INPP4B: variants seen among roughly 807,000 people sequenced by gnomAD.
The protein encoded by INPP4B is inositol polyphosphate 4-phosphatase type II.
Under a neutral mutation model 122.5 loss-of-function variants are expected in INPP4B, and 55 were observed. The ratio of observed to expected loss-of-function variants is 0.45; its 90% CI spans 0.36 to 0.56. The LOEUF (loss-of-function observed/expected upper bound fraction) is 0.56. INPP4B is among the 20% of genes least tolerant of loss of function. INPP4B has a pLI of 0.00. For missense variants in INPP4B, 1,000 were observed against 1,097.7 expected (o/e 0.91, Z 1.26); for synonymous variants, 403 against 388.7 (o/e 1.04, Z -0.43).
At chr4:142,472,587 C>A (rs1819054648) in intron 2 of INPP4B, among the ~76,000 whole-genome samples, 1 of 152,072 alleles carries the variant, frequency 6.6e-6, no homozygotes, top group African/African-American at 2.4e-5. Context: ...ATTTTAGATC[C>A]CCAATACCAG....
At chr4:142,764,788 A>G (rs879535863) in intron 1 of INPP4B, among the ~76,000 whole-genome samples, 3 of 151,988 alleles carry the variant, frequency 2.0e-5, no homozygotes, top group Non-Finnish European at 4.4e-5. Context: ...AGGGTCTAGC[A>G]TGTGTATCTG....
intron 11 of INPP4B, among the ~76,000 whole-genome samples, chr4:142,245,026 T>C (rs1052927786): frequency 2.0e-5 from 3 of 152,222 alleles, no homozygotes; most frequent in Non-Finnish European, 4.4e-5. Flanking sequence ...AATGTCTTCT[T>C]TTCAGAAGTG....
chr4:142,653,124 A>G (rs544796730), intron 2 of INPP4B, among the ~76,000 whole-genome samples: 59 of 152,240 alleles, frequency 3.9e-4, no homozygotes, highest in Non-Finnish European at 8.1e-4. Context: ...GAAATGGGGA[A>G]AGGATCCCCT....
At position 142,558,793 on chromosome 4, in the gene INPP4B, T is replaced by TAAAAAAAAA. The variant is rs34151070; in HGVS notation, c.-190-96076_-190-96068dup. Among the ~76,000 whole-genome samples, 19 of 75,550 alleles carry TAAAAAAAAA rather than the reference T, an allele frequency of 2.5e-4. 1 individual carries two copies. The highest frequency in any genetic ancestry group is 5.1e-4 in the East Asian group (2 of 3,886). The allele number at this position is 75,550 out of a possible 152,430, so 49.6% of individuals were successfully genotyped here. Reference sequence around the variant, plus strand: ...CTGGGCGACAGAGCAAGACTCCCTCTAAAAAAAAAAAAAAAAAAAAAAAAA... The same window carrying TAAAAAAAAA: ...CTGGGCGACAGAGCAAGACTCCCTCTAAAAAAAAAAAAAAAAAAAAAAAAAAAAAAAAAA... On this transcript the variant is annotated intron_variant, in intron 2 of 25. Transcript: ENST00000262992.
chr4:142,507,776 G>T (rs1224481357), intron 2 of INPP4B, among the ~76,000 whole-genome samples: 1 of 152,036 alleles, frequency 6.6e-6, no homozygotes, highest in Non-Finnish European at 1.5e-5. Flanking sequence ...AATAAAGCAG[G>T]CCTTGGCTTC....
At chr4:142,751,573 T>C (rs187344892) in intron 1 of INPP4B, among the ~76,000 whole-genome samples, 1 of 152,204 alleles carries the variant, frequency 6.6e-6, no homozygotes, top group African/African-American at 2.4e-5. Context: ...TTTAAATTCA[T>C]GTTTCCTAAT....
At chr4:142,213,433 T>C (rs1441910946) in intron 12 of INPP4B, among the ~76,000 whole-genome samples, 1 of 152,170 alleles carries the variant, frequency 6.6e-6, no homozygotes, top group African/African-American at 2.4e-5. Flanking sequence ...CCTCTGTCAC[T>C]AAGATCTAGG....
At chr4:142,689,611 T>G (rs1759866118) in intron 2 of INPP4B, among the ~76,000 whole-genome samples, 1 of 152,186 alleles carries the variant, frequency 6.6e-6, no homozygotes. Flanking sequence ...ACAAAATATT[T>G]GAAGAGCTAG....
rs1825390238 is a variant in INPP4B at position 142,516,162 on chromosome 4, T to G, written c.-190-53436A>C. Among the ~76,000 whole-genome samples the G allele has an allele frequency of 2.6e-5, 4 of 152,146 alleles. No individual in the cohort carries two copies. The South Asian group carries it at 8.3e-4, about 32-fold the overall frequency. On this transcript the variant is annotated intron_variant, in intron 2 of 25. Coordinates refer to ENST00000262992, the MANE Select transcript of INPP4B (RefSeq NM_001101669.3). ...GGAAGGTTTTCAGCAAAAGATCTCT[T>G]TTTTTGCTGAAAGTGAGGACTCTGA...
chr4:142,722,940 G>T (rs1001462897), intron 2 of INPP4B, among the ~76,000 whole-genome samples: 6 of 152,038 alleles, frequency 3.9e-5, no homozygotes, highest in Non-Finnish European at 5.9e-5. Flanking sequence ...ATAAATAATA[G>T]AAAATATAAT....
chr4:142,024,452 A>G lies in INPP4B; in HGVS notation c.*4330T>C, dbSNP rs1736401733. ...CAGCTACTATGATGCCTTGTGTTCA[A>G]TATGTTTCCTTCCCTCTGTAACTGA... On this transcript the variant is annotated 3_prime_UTR_variant, in exon 26 of 26. Coordinates refer to ENST00000262992, the MANE Select transcript of INPP4B (RefSeq NM_001101669.3). The G allele has an allele frequency of 1.3e-5, 2 of 152,160 alleles. No individual in the cohort carries two copies. Among genetic ancestry groups the G allele is most frequent in the Admixed American group, 6.5e-5 (1 of 15,276 alleles). 9.4% of individuals were successfully genotyped at this position (152,160 alleles called of 1,614,324 possible). A position where few individuals can be genotyped will look rare whatever the true frequency, so the allele number is the denominator to read the frequency against.
intron 24 of INPP4B, among the ~76,000 whole-genome samples, chr4:142,083,270 A>G (rs1775045639): frequency 6.6e-6 from 1 of 152,200 alleles, no homozygotes; most frequent in Non-Finnish European, 1.5e-5. Flanking sequence ...ACAGAACTCT[A>G]CTTAAGTTCA....
intron 2 of INPP4B, among the ~76,000 whole-genome samples, chr4:142,593,278 G>A (rs1267623381): frequency 6.6e-6 from 1 of 151,942 alleles, no homozygotes; most frequent in Non-Finnish European, 1.5e-5. Context: ...GAGATTAGAA[G>A]GGATTATTTC....
intron 11 of INPP4B, among the ~76,000 whole-genome samples, chr4:142,242,718 C>T (rs143259392): frequency 9.2e-5 from 14 of 152,162 alleles, no homozygotes; most frequent in Admixed American, 1.3e-4. Context: ...GCTCAGCTAT[C>T]GCCTCCTCCA....
chr4:142,436,516 G>A (rs764011583), intron 3 of INPP4B, among the ~76,000 whole-genome samples: 3 of 152,076 alleles, frequency 2.0e-5, no homozygotes, highest in Non-Finnish European at 2.9e-5. Context: ...CATCAGATCG[G>A]TGCCTCTTGA....
At chr4:142,459,668 C>A (rs1212849175) in intron 3 of INPP4B, among the ~76,000 whole-genome samples, 5 of 152,064 alleles carry the variant, frequency 3.3e-5, no homozygotes, top group African/African-American at 4.8e-5. Flanking sequence ...AAAAAAATCA[C>A]AGAGAAGCGT....
chr4:142,512,640 T>C (rs776846788), intron 2 of INPP4B, among the ~76,000 whole-genome samples: 3 of 152,170 alleles, frequency 2.0e-5, no homozygotes, highest in Non-Finnish European at 4.4e-5. Context: ...CTTTCTTTGC[T>C]GTCTTTTATT....
intron 12 of INPP4B, among the ~76,000 whole-genome samples, chr4:142,227,399 G>A (rs1455785014): frequency 2.0e-5 from 3 of 151,984 alleles, no homozygotes; most frequent in Non-Finnish European, 2.9e-5. Context: ...GTCATTGCGC[G>A]ATTTTTATCA....
At chr4:142,554,973 T>G (rs1291938539) in intron 2 of INPP4B, among the ~76,000 whole-genome samples, 2 of 152,108 alleles carry the variant, frequency 1.3e-5, no homozygotes, top group East Asian at 3.9e-4. Flanking sequence ...TCTCTTAACA[T>G]CAACTGCATC....
Sources: gnomAD v4.1 joint callset for allele counts (sites outside exome capture counted in the v4.1 genomes callset) on GRCh38, gnomAD v4.1.1 for gene constraint, MANE v1.5 for transcripts, NCBI Gene and HGNC (gene_info 2026-07-23, HGNC 2026-07-21) for gene names.